Variants in BRAF observed in about 807,000 individuals in gnomAD.
BRAF encodes the protein B-Raf proto-oncogene, serine/threonine kinase, also known as serine/threonine-protein kinase B-raf.
BRAF carries 16 observed loss-of-function variants against 104.6 expected under a neutral mutation model. The observed-to-expected ratio is 0.15, with a 90% confidence interval of 0.10 to 0.23. The LOEUF is 0.23. Among genes scored for constraint, BRAF ranks in the 10% least tolerant of loss-of-function variants. BRAF has a pLI of 1.00. For missense variants in BRAF, 541 were observed against 937.3 expected (o/e 0.58, Z 5.52); for synonymous variants, 310 against 341.6 (o/e 0.91, Z 1.02).
At chr7:140,871,465 C>G (rs529136539) in intron 1 of BRAF, among the ~76,000 whole-genome samples, 1 of 152,208 alleles carries the variant, frequency 6.6e-6, no homozygotes, top group South Asian at 2.1e-4. Context: ...GACTGCCTAG[C>G]TCACTTAGTA....
intron 1 of BRAF, among the ~76,000 whole-genome samples, chr7:140,859,667 T>C (rs535629097): frequency 9.8e-4 from 149 of 151,864 alleles, no homozygotes; most frequent in Middle Eastern, 6.8e-3. Context: ...CCCATGGAAC[T>C]TGAAAAACTG....
intron 14 of BRAF, among the ~76,000 whole-genome samples, chr7:140,764,001 G>T (rs1354811160): frequency 6.6e-6 from 1 of 152,106 alleles, no homozygotes; most frequent in Non-Finnish European, 1.5e-5. Context: ...CCAAAAAAGA[G>T]AATTTTAGAC....
At chr7:140,813,919 C>A (rs1457190469) in intron 3 of BRAF, among the ~76,000 whole-genome samples, 3 of 151,488 alleles carry the variant, frequency 2.0e-5, no homozygotes, top group African/African-American at 7.3e-5. Flanking sequence ...ACACACCCTC[C>A]TTAAAAAAGA....
chr7:140,738,072 A>G (rs1216341133), intron 18 of BRAF, among the ~76,000 whole-genome samples: 2 of 152,214 alleles, frequency 1.3e-5, no homozygotes, highest in Admixed American at 6.5e-5. Flanking sequence ...GCTGCTCAGC[A>G]GCACTTGTCT....
intron 11 of BRAF, 25 bp from the exon 11 acceptor site, chr7:140,781,718 A>G (rs2129024060): frequency 1.3e-6 from 2 of 1,582,982 alleles, no homozygotes; most frequent in Non-Finnish European, 1.7e-6. Context: ...TAAAAAAGTC[A>G]AGTCAAGCCA....
intron 17 of BRAF, among the ~76,000 whole-genome samples, chr7:140,742,343 C>A (rs1337354778): frequency 1.3e-5 from 2 of 151,986 alleles, no homozygotes; most frequent in East Asian, 3.9e-4. Flanking sequence ...AGGTGCACAC[C>A]ACCATGCCTG....
At chr7:140,907,881 A>G (rs1252399427) in intron 1 of BRAF, among the ~76,000 whole-genome samples, 1 of 152,004 alleles carries the variant, frequency 6.6e-6, no homozygotes, top group Non-Finnish European at 1.5e-5. Context: ...AGCAGCTGGG[A>G]TTACAGGTGC....
chr7:140,727,760 A>G (rs565836293), intron 19 of BRAF, among the ~76,000 whole-genome samples: 3 of 152,122 alleles, frequency 2.0e-5, no homozygotes, highest in South Asian at 4.1e-4. Context: ...AGCTGGGACT[A>G]CAGGCACATG....
chr7:140,795,670 T>C (rs1464248589), intron 7 of BRAF, among the ~76,000 whole-genome samples: 1 of 152,198 alleles, frequency 6.6e-6, no homozygotes, highest in Non-Finnish European at 1.5e-5. Context: ...ACAATTTTAC[T>C]TCTTTGAAGC....
intron 14 of BRAF, among the ~76,000 whole-genome samples, chr7:140,775,415 T>C (rs1800245537): frequency 6.6e-6 from 1 of 151,966 alleles, no homozygotes. Context: ...TGGTGTGATC[T>C]TGGCCCACTG....
chr7:140,843,839 A>G (rs1381741038), intron 2 of BRAF, among the ~76,000 whole-genome samples: 1 of 151,968 alleles, frequency 6.6e-6, no homozygotes, highest in Non-Finnish European at 1.5e-5. Context: ...CCCAGTCTCT[A>G]CTAAAAATAC....
chr7:140,854,085 C>G lies in BRAF; in HGVS notation c.139-3873G>C, dbSNP rs577346406. Among the ~76,000 whole-genome samples the G allele has an allele frequency of 9.2e-5, 14 of 152,252 alleles. No individual in the cohort carries two copies. In the South Asian group the frequency reaches 2.9e-3, roughly 32 times the overall value. ...CCTCCCTGGCATCAATCCTCCCACC[C>G]CAGACTCCCAAGTAGTTGGGACTAC... On this transcript the variant is annotated intron_variant, in intron 1 of 19. Transcript: ENST00000644969.
chr7:140,723,784 C>T lies in BRAF; in HGVS notation c.*2710G>A. 2 of 1,048,352 alleles carry T rather than the reference C, an allele frequency of 1.9e-6. No homozygotes were observed. The highest frequency in any genetic ancestry group is 2.3e-6 in the Non-Finnish European group (2 of 868,538). The allele number at this position is 1,048,352 out of a possible 1,614,324, so 64.9% of individuals were successfully genotyped here. A position where few individuals can be genotyped will look rare whatever the true frequency, so the allele number is the denominator to read the frequency against. Reference sequence around the variant, plus strand: ...GACTGTTACACCCTTACAAGATGATCAGTGACGCAGCCACATACTGTCTAT... The same window carrying T: ...GACTGTTACACCCTTACAAGATGATTAGTGACGCAGCCACATACTGTCTAT... On this transcript the variant is annotated 3_prime_UTR_variant, in exon 20 of 20. Coordinates refer to ENST00000644969, the MANE Select transcript of BRAF (RefSeq NM_001374258.1).
In BRAF at chr7:140,723,949, A is replaced by G; in HGVS notation, c.*2545T>C. 9.6e-7 allele frequency: 1 copy of G among 1,041,030 alleles called. No individual in the cohort carries two copies. The highest frequency in any genetic ancestry group is 1.2e-6 in the Non-Finnish European group (1 of 863,578). 64.5% of individuals were successfully genotyped at this position (1,041,030 alleles called of 1,614,324 possible). On this transcript the variant is annotated 3_prime_UTR_variant, in exon 20 of 20. Transcript: ENST00000644969. ...TAAAACCTATTTTCATGTCATTTGT[A>G]AACTAGAGAAAAAACCTATTTCATA...
chr7:140,846,038 T>C (rs970102958), intron 2 of BRAF, among the ~76,000 whole-genome samples: 1 of 151,976 alleles, frequency 6.6e-6, no homozygotes, highest in African/African-American at 2.4e-5. Context: ...TGTAAAAAAT[T>C]AGAACCCCAT....
intron 1 of BRAF, among the ~76,000 whole-genome samples, chr7:140,851,149 A>G (rs895971605): frequency 7.2e-5 from 11 of 152,196 alleles, no homozygotes; most frequent in Admixed American, 6.5e-4. Context: ...AGTGGTTATT[A>G]AAAGGCATAT....
chr7:140,902,830 A>C (rs189409418), intron 1 of BRAF, among the ~76,000 whole-genome samples: 2 of 152,310 alleles, frequency 1.3e-5, no homozygotes, highest in Admixed American at 6.5e-5. Context: ...TGATATAAAG[A>C]AAGTTTTAGT....
chr7:140,788,021 ATAAC>A, intron 8 of BRAF, among the ~76,000 whole-genome samples: 1 of 152,348 alleles, frequency 6.6e-6, no homozygotes, highest in East Asian at 1.9e-4. Flanking sequence ...AACAGAAAGA[ATAAC>A]TAATGGATGC....
chr7:140,754,140 A>G (rs1562941568), intron 15 of BRAF, 47 bp downstream of exon 14: 1 of 1,564,630 alleles, frequency 6.4e-7, no homozygotes, highest in South Asian at 1.1e-5. Context: ...GCAGAAGAAA[A>G]AGTCAGGATG....
Sources: gnomAD v4.1 joint callset for allele counts (sites outside exome capture counted in the v4.1 genomes callset) on GRCh38, gnomAD v4.1.1 for gene constraint, MANE v1.5 for transcripts, NCBI Gene and HGNC (gene_info 2026-07-23, HGNC 2026-07-21) for gene names.